The following MGMT variants were observed in gnomAD, a reference collection of about 807,000 sequenced individuals.
MGMT encodes the protein O-6-methylguanine-DNA methyltransferase.
MGMT carries 14 observed loss-of-function variants against 15.9 expected under a neutral mutation model. The ratio of observed to expected loss-of-function variants is 0.88; its 90% CI spans 0.58 to 1.37. The LOEUF is 1.37. MGMT is among the 40% of genes most tolerant of loss of function. The pLI is 0.00. For missense variants in MGMT, 282 were observed against 268.1 expected, an observed-to-expected ratio of 1.05 and a Z score of -0.36; for synonymous variants, 130 against 118.2, an observed-to-expected ratio of 1.10 and a Z score of -0.65.
chr10:129,633,646 C>T (rs1428561063), intron 2 of MGMT, among the ~76,000 whole-genome samples: 4 of 152,138 alleles, frequency 2.6e-5, no homozygotes, highest in African/African-American at 9.7e-5. Flanking sequence ...AATTACCTCC[C>T]ATCTCACAGC....
chr10:129,481,244 G>A (rs763357029), intron 1 of MGMT, among the ~76,000 whole-genome samples: 4 of 152,234 alleles, frequency 2.6e-5, no homozygotes, highest in Non-Finnish European at 4.4e-5. Flanking sequence ...CTTTTCTGCA[G>A]TGAATATGGT....
intron 2 of MGMT, among the ~76,000 whole-genome samples, chr10:129,679,244 G>T (rs74822731): frequency 6.6e-6 from 1 of 151,954 alleles, no homozygotes; most frequent in Non-Finnish European, 1.5e-5. Context: ...AAATTTATGC[G>T]GTCCTTGTGT....
At chr10:129,522,414 C>A (rs892978305) in intron 1 of MGMT, among the ~76,000 whole-genome samples, 1 of 152,158 alleles carries the variant, frequency 6.6e-6, no homozygotes, top group Non-Finnish European at 1.5e-5. Context: ...GACTCCTGGA[C>A]GGTTGCCGGA....
intron 2 of MGMT, among the ~76,000 whole-genome samples, chr10:129,640,688 C>T (rs1847318312): frequency 6.6e-6 from 1 of 152,126 alleles, no homozygotes; most frequent in South Asian, 2.1e-4. Context: ...GACCAATATT[C>T]CTAATGTACA....
chr10:129,522,297 G>T (rs535347528), intron 1 of MGMT, among the ~76,000 whole-genome samples: 4 of 152,344 alleles, frequency 2.6e-5, no homozygotes, highest in African/African-American at 7.2e-5. Context: ...GAGAGGAGGG[G>T]CTTACTGCCT....
At chr10:129,558,488 C>A (rs201836253) in intron 2 of MGMT, among the ~76,000 whole-genome samples, 1 of 152,164 alleles carries the variant, frequency 6.6e-6, no homozygotes, top group East Asian at 1.9e-4. Context: ...TGGCCCTGGT[C>A]CTCAGCGCCT....
At chr10:129,763,563 A>C (rs149393367) in intron 4 of MGMT, among the ~76,000 whole-genome samples, 156 of 152,254 alleles carry the variant, frequency 1.0e-3, no homozygotes, top group African/African-American at 3.6e-3. Flanking sequence ...CATTTTTATA[A>C]TTTCATAGCT....
At chr10:129,608,863 G>A (rs1846925418) in intron 2 of MGMT, among the ~76,000 whole-genome samples, 1 of 152,210 alleles carries the variant, frequency 6.6e-6, no homozygotes, top group East Asian at 1.9e-4. Context: ...TCATCTCCCG[G>A]GCTGAATGCG....
intron 3 of MGMT, among the ~76,000 whole-genome samples, chr10:129,758,863 TATTA>T (rs1482030576): frequency 1.3e-5 from 2 of 152,174 alleles, no homozygotes; most frequent in African/African-American, 2.4e-5. Flanking sequence ...CTTCTGTGTG[TATTA>T]ATTGAGCCAT....
intron 4 of MGMT, among the ~76,000 whole-genome samples, chr10:129,759,825 CT>C (rs1564787215): frequency 6.6e-6 from 1 of 152,148 alleles, no homozygotes; most frequent in East Asian, 1.9e-4. Flanking sequence ...TGCACTCCCC[CT>C]GAGGCCCAGG....
chr10:129,626,438 T>G (rs923353389), intron 2 of MGMT, among the ~76,000 whole-genome samples: 2 of 152,168 alleles, frequency 1.3e-5, no homozygotes, highest in African/African-American at 4.8e-5. Context: ...CGTGTGAGTT[T>G]CGGGGGTGAT....
At chr10:129,685,183 CAT>C (rs1161880646) in intron 2 of MGMT, among the ~76,000 whole-genome samples, 1 of 152,172 alleles carries the variant, frequency 6.6e-6, no homozygotes, top group African/African-American at 2.4e-5. Flanking sequence ...TTAAATATGC[CAT>C]ATGTGTCAAA....
At position 129,691,756 on chromosome 10, in the gene MGMT, G is replaced by A. The variant is rs1001746367; in HGVS notation, c.126-16139G>A. Among the ~76,000 whole-genome samples the A allele has an allele frequency of 2.0e-5, 3 of 152,264 alleles. No homozygotes were observed. The East Asian group carries it at 5.8e-4, about 30-fold the overall frequency. ...GAGGAATTCAAACGCAGCTTCCTGGGCTGGATCCTGCAGGGCCTGAGTTCT... is the reference window on the plus strand; with the variant it reads ...GAGGAATTCAAACGCAGCTTCCTGGACTGGATCCTGCAGGGCCTGAGTTCT... On this transcript the variant is annotated intron_variant, in intron 2 of 4. Coordinates refer to ENST00000651593, the MANE Select transcript of MGMT (RefSeq NM_002412.5).
chr10:129,691,541 G>A (rs574909462), intron 2 of MGMT, among the ~76,000 whole-genome samples: 1 of 152,346 alleles, frequency 6.6e-6, no homozygotes, highest in South Asian at 2.1e-4. Context: ...CCTTGGGGCT[G>A]TGGGTTTCAA....
At chr10:129,646,733 TATATATA>T (rs1230696541) in intron 2 of MGMT, among the ~76,000 whole-genome samples, 2 of 103,192 alleles carry the variant, frequency 1.9e-5, no homozygotes, top group African/African-American at 3.7e-5. Context: ...TATATATATA[TATATATA>T]TATATATATA....
At chr10:129,644,432 G>A (rs1847362431) in intron 2 of MGMT, among the ~76,000 whole-genome samples, 2 of 152,368 alleles carry the variant, frequency 1.3e-5, no homozygotes, top group Admixed American at 6.5e-5. Context: ...GCCTGAGGAT[G>A]TGAAATTCAA....
intron 3 of MGMT, among the ~76,000 whole-genome samples, chr10:129,751,086 C>T (rs1848746290): frequency 6.6e-6 from 1 of 152,032 alleles, no homozygotes; most frequent in South Asian, 2.1e-4. Flanking sequence ...AGAAAATGTT[C>T]CTTTCTCTGG....
At chr10:129,573,283 T>A (rs913269615) in intron 2 of MGMT, among the ~76,000 whole-genome samples, 2 of 152,164 alleles carry the variant, frequency 1.3e-5, no homozygotes, top group African/African-American at 2.4e-5. Flanking sequence ...ACTAGATTTT[T>A]AAAAAACTTT....
intron 1 of MGMT, among the ~76,000 whole-genome samples, chr10:129,496,650 G>A (rs534184611): frequency 2.0e-5 from 3 of 152,192 alleles, no homozygotes; most frequent in East Asian, 3.9e-4. Flanking sequence ...TGCAGCCGTG[G>A]AATGGGGATG....
Sources: gnomAD v4.1 joint callset for allele counts (sites outside exome capture counted in the v4.1 genomes callset) on GRCh38, gnomAD v4.1.1 for gene constraint, MANE v1.5 for transcripts, NCBI Gene and HGNC (gene_info 2026-07-23, HGNC 2026-07-21) for gene names.